The following SHOC1 variants were observed in gnomAD, a reference collection of about 807,000 sequenced individuals.
SHOC1 encodes shortage in chiasmata 1, also known as protein shortage in chiasmata 1 ortholog.
A neutral mutation model predicts 179.2 loss-of-function variants in SHOC1; 136 were observed. The observed-to-expected ratio is 0.76, with a 90% confidence interval of 0.66 to 0.87. The LOEUF (loss-of-function observed/expected upper bound fraction) is 0.87, where lower values mean the gene tolerates loss of function less well. Among genes scored for constraint, SHOC1 ranks in the 40% least tolerant of loss-of-function variants. The probability of loss-of-function intolerance (pLI) is 0.00; values close to 1 mark genes in which losing one functional copy is unlikely to be tolerated. For synonymous variants in SHOC1, 489 were observed against 586.6 expected (o/e 0.83, Z 2.41); for missense variants, 1,538 against 1,700.8 (o/e 0.90, Z 1.68).
In SHOC1 at chr9:111,698,072, T is replaced by C. The variant is rs921953598; in HGVS notation, c.3183+1882A>G. Among the ~76,000 whole-genome samples, 33 of 152,346 alleles carry C rather than the reference T, an allele frequency of 2.2e-4. 1 individual carries two copies. Among genetic ancestry groups the C allele is most frequent in the African/African-American group, 7.9e-4 (33 of 41,582 alleles). On this transcript the variant is annotated intron_variant, in intron 24 of 27. Coordinates refer to ENST00000682961, the MANE Select transcript of SHOC1 (RefSeq NM_001378211.1). ...TTTCTTGTAAATTTGTTTAAGTTCTTTGTAGATTCTGGATATTAGCCCTTT... is the reference window on the plus strand; with the variant it reads ...TTTCTTGTAAATTTGTTTAAGTTCTCTGTAGATTCTGGATATTAGCCCTTT...
Position 111,692,355 on chromosome 9 carries a change from C to G in SHOC1, c.3622G>C (p.Glu1208Gln). ...CCTAATCCTAAATACTGATAATATT[C>G]ATTATGTTCTTGAATGACAGAGTCT... ...DLDSVIQEHN[E>Q]YYQYLGLGET... Residue 1208 changes from glutamate (E) to glutamine (Q), a missense_variant, in exon 27 of 28, where the codon GAA (glutamate) becomes CAA (glutamine). Physicochemically the swap from Glu to Gln is conservative, Grantham distance 29 (BLOSUM62 2). Coordinates refer to ENST00000682961, the MANE Select transcript of SHOC1 (RefSeq NM_001378211.1). The G allele has an allele frequency of 6.2e-7, 1 of 1,612,294 alleles. No individual in the cohort carries two copies. Among genetic ancestry groups the G allele is most frequent in the Non-Finnish European group, 8.5e-7 (1 of 1,178,606 alleles).
At chr9:111,753,497 A>C (rs1336462421) in intron 8 of SHOC1, among the ~76,000 whole-genome samples, 2 of 152,186 alleles carry the variant, frequency 1.3e-5, no homozygotes, top group African/African-American at 2.4e-5. Flanking sequence ...AAGGATAAAA[A>C]ATTTTAAAAC....
chr9:111,705,129 G>T (rs1832187420), intron 21 of SHOC1, 118 bp downstream of exon 21: 1 of 421,080 alleles, frequency 2.4e-6, no homozygotes, highest in Non-Finnish European at 4.3e-6. Flanking sequence ...GACACATGGA[G>T]ACACATATAC....
intron 19 of SHOC1, among the ~76,000 whole-genome samples, chr9:111,707,518 C>A (rs1366716619): frequency 1.3e-5 from 2 of 151,870 alleles, no homozygotes; most frequent in Admixed American, 1.3e-4. Flanking sequence ...GGAAGGAGAA[C>A]CCTGAAGAAA....
chr9:111,746,276 C>T lies in SHOC1; in HGVS notation c.1037G>A (p.Arg346His), dbSNP rs774084360. The T allele has an allele frequency of 3.3e-5, 53 of 1,611,188 alleles. No homozygotes were observed. The highest frequency in any genetic ancestry group is 4.0e-5 in the African/African-American group (3 of 74,784). The change falls in exon 10 of 28, where the codon CGT (arginine) becomes CAT (histidine). Residue 346 changes from arginine (R) to histidine (H), a missense_variant. Transcript: ENST00000682961. The stretch of plus-strand genomic sequence containing the variant: ...TAATGGAAATGTCTGAAGTTCTGTA[C>T]GTAATGAATTCACTGAAGAATGTTG... ...TCQHSSVNSL[R>H]TELQTFPLSP...
Position 111,686,452 on chromosome 9 carries a change from CTG to C in SHOC1, c.*316_*317del, listed in dbSNP as rs1325967413. ...AACTTTCTTGATGTGGGAGGGTTAA[CTG>C]TGATGATCTTCACTTCCTGACTCAA... On this transcript the variant is annotated 3_prime_UTR_variant, in exon 28 of 28. Coordinates refer to ENST00000682961, the MANE Select transcript of SHOC1 (RefSeq NM_001378211.1). 1 of 165,770 alleles carries C rather than the reference CTG, an allele frequency of 6.0e-6. No individual in the cohort carries two copies. The highest frequency in any genetic ancestry group is 1.6e-4 in the East Asian group (1 of 6,098). The allele number at this position is 165,770 out of a possible 1,614,324, so 10.3% of individuals were successfully genotyped here. A position where few individuals can be genotyped will look rare whatever the true frequency, so the allele number is the denominator to read the frequency against.
At chr9:111,759,842 T>C (rs979360137) in intron 5 of SHOC1, among the ~76,000 whole-genome samples, 3 of 152,188 alleles carry the variant, frequency 2.0e-5, no homozygotes, top group Admixed American at 1.3e-4. Context: ...ATCCCTTTGC[T>C]TGGTGCTAAC....
At chr9:111,762,847 G>GT (rs1835196059) in intron 5 of SHOC1, among the ~76,000 whole-genome samples, 1 of 151,862 alleles carries the variant, frequency 6.6e-6, no homozygotes, top group Non-Finnish European at 1.5e-5. Flanking sequence ...AGTTCTAGCG[G>GT]TTTTAGTCAG....
chr9:111,718,263 A>G lies in SHOC1; in HGVS notation c.2157T>C (p.Thr719=). 1 of 1,596,012 alleles carries G rather than the reference A, an allele frequency of 6.3e-7. No individual in the cohort carries two copies. The highest frequency in any genetic ancestry group is 8.5e-7 in the Non-Finnish European group (1 of 1,174,064). Residue 719 remains threonine (T), a synonymous_variant, in exon 16 of 28, where the codon ACT becomes ACC. Transcript: ENST00000682961. ...RQGTIDEREM[T]FKHAALLHLL... ...GATGTAAGAGAGCGGCATGCTTGAAAGTCATTTCTCTTTCATCAATTGTAC... is the reference window on the plus strand; with the variant it reads ...GATGTAAGAGAGCGGCATGCTTGAAGGTCATTTCTCTTTCATCAATTGTAC...
At chr9:111,703,378 A>G (rs1832075655) in intron 22 of SHOC1, among the ~76,000 whole-genome samples, 1 of 152,166 alleles carries the variant, frequency 6.6e-6, no homozygotes, top group Admixed American at 6.6e-5. Flanking sequence ...TCAAGCAAAC[A>G]TATCAGGGAG....
Position 111,785,663 on chromosome 9 carries a change from T to G in SHOC1, c.169+249A>C, listed in dbSNP as rs76139264. On this transcript the variant is annotated intron_variant, in intron 3 of 27. Transcript: ENST00000682961. ...AAAACAAATGTTTACAATGTTAGAC[T>G]ATTTTAAGTCTTCATCATCTACATA... Among the ~76,000 whole-genome samples the G allele has an allele frequency of 9.1e-3, 1,379 of 152,352 alleles. 20 individuals are homozygous for G. The highest frequency in any genetic ancestry group is 0.032 in the African/African-American group (1,316 of 41,602).
At chr9:111,793,152 G>T (rs1284537202) in intron 1 of SHOC1, among the ~76,000 whole-genome samples, 1 of 152,214 alleles carries the variant, frequency 6.6e-6, no homozygotes, top group Non-Finnish European at 1.5e-5. Context: ...AGAGTGCTGG[G>T]ATTACAGGCG....
intron 10 of SHOC1, 100 bp downstream of exon 10, chr9:111,746,134 T>G: frequency 1.5e-6 from 1 of 673,924 alleles, no homozygotes; most frequent in Non-Finnish European, 2.5e-6. Context: ...TTAAATTTTT[T>G]CATAGAGGTA....
At chr9:111,759,858 A>G (rs1835061418) in intron 5 of SHOC1, among the ~76,000 whole-genome samples, 1 of 152,196 alleles carries the variant, frequency 6.6e-6, no homozygotes, top group African/African-American at 2.4e-5. Context: ...CTAACTTGAT[A>G]TGCCTTAAGA....
chr9:111,738,140 C>T (rs1833886798), intron 12 of SHOC1, 140 bp downstream of exon 12: 1 of 656,086 alleles, frequency 1.5e-6, no homozygotes, highest in Non-Finnish European at 2.4e-6. Flanking sequence ...AATCCAAAGT[C>T]ATAAATTCTG....
Position 111,712,975 on chromosome 9 carries a change from C to T in SHOC1, c.2488+125G>A, listed in dbSNP as rs1434670545. The T allele has an allele frequency of 3.1e-5, 20 of 641,928 alleles. 1 individual carries two copies. The highest frequency in any genetic ancestry group is 1.5e-4 in the East Asian group (5 of 34,242). The allele number at this position is 641,928 out of a possible 1,614,324, so 39.8% of individuals were successfully genotyped here. A position where few individuals can be genotyped will look rare whatever the true frequency, so the allele number is the denominator to read the frequency against. On this transcript the variant is annotated intron_variant, in intron 18 of 27. Transcript: ENST00000682961. ...GCTGGTTAGATCCCAATGAGTTATA[C>T]GCTTTCTAAGGGTGAATTTCATGCT...
intron 27 of SHOC1, 88 bp from the exon 28 acceptor site, chr9:111,686,958 T>TTC: frequency 2.6e-6 from 2 of 763,100 alleles, no homozygotes; most frequent in Non-Finnish European, 1.9e-6. Context: ...TTTTTTTTCT[T>TTC]TTTTGAGATG....
At chr9:111,711,705 T>C (rs1228719818) in intron 18 of SHOC1, among the ~76,000 whole-genome samples, 1 of 152,038 alleles carries the variant, frequency 6.6e-6, no homozygotes, top group Non-Finnish European at 1.5e-5. Context: ...ATAGTAGGGG[T>C]TTTTTGTATA....
chr9:111,784,839 G>C (rs1420294769), intron 3 of SHOC1, among the ~76,000 whole-genome samples: 1 of 152,110 alleles, frequency 6.6e-6, no homozygotes, highest in African/African-American at 2.4e-5. Context: ...GGTCAAGGGA[G>C]CTCTTTGGGG....
Sources: allele counts gnomAD v4.1 joint callset (sites outside exome capture counted in the v4.1 genomes callset), GRCh38; gene constraint gnomAD v4.1.1; transcripts MANE v1.5; gene names NCBI Gene and HGNC (gene_info 2026-07-23, HGNC 2026-07-21).